Variants in IARS1 observed in about 807,000 individuals in gnomAD.
IARS1 encodes the protein isoleucyl-tRNA synthetase 1.
Under a neutral mutation model 168.2 loss-of-function variants are expected in IARS1, and 124 were observed. That is an observed-to-expected ratio of 0.74 (90% CI 0.64 to 0.86). IARS1 has a LOEUF of 0.86. IARS1 is among the 40% of genes least tolerant of loss of function. IARS1 has a pLI of 0.00. For synonymous variants in IARS1, 532 were observed against 529.4 expected, an observed-to-expected ratio of 1.00 and a Z score of -0.07; for missense variants, 1,452 against 1,515.8, an observed-to-expected ratio of 0.96 and a Z score of 0.70.
chr9:92,276,948 G>A (rs746920429), intron 9 of IARS1, among the ~76,000 whole-genome samples: 1 of 152,138 alleles, frequency 6.6e-6, no homozygotes, highest in Non-Finnish European at 1.5e-5. Flanking sequence ...GAGCTCTGTC[G>A]TGGTGCCTAG....
intron 32 of IARS1, among the ~76,000 whole-genome samples, 176 bp downstream of exon 32, chr9:92,223,170 G>C (rs1839905322): frequency 6.6e-6 from 1 of 152,212 alleles, no homozygotes; most frequent in South Asian, 2.1e-4. Context: ...CCAGATGGAT[G>C]AGGGTCTCTA....
chr9:92,216,383 G>A (rs1838695516), intron 33 of IARS1, among the ~76,000 whole-genome samples: 1 of 149,348 alleles, frequency 6.7e-6, no homozygotes, highest in African/African-American at 2.5e-5. Context: ...AAAATAAACA[G>A]CTAACATCAT....
intron 10 of IARS1, 140 bp from the exon 11 acceptor site, chr9:92,271,795 C>G (rs1833079682): frequency 9.9e-6 from 9 of 911,912 alleles, no homozygotes; most frequent in Non-Finnish European, 1.5e-5. Flanking sequence ...GAAGGTAACT[C>G]AAGACCATTC....
At chr9:92,260,573 T>A (rs1831380804) in intron 17 of IARS1, among the ~76,000 whole-genome samples, 1 of 152,120 alleles carries the variant, frequency 6.6e-6, no homozygotes, top group African/African-American at 2.4e-5. Flanking sequence ...GAGAATTGCC[T>A]GAACCTGAGA....
chr9:92,284,240 T>C (rs1835088480), intron 6 of IARS1, among the ~76,000 whole-genome samples: 1 of 152,206 alleles, frequency 6.6e-6, no homozygotes, highest in Non-Finnish European at 1.5e-5. Flanking sequence ...CAACGAATGC[T>C]AACATGGCAA....
In IARS1 at chr9:92,293,668, A is replaced by C. The variant is rs1382827242; in HGVS notation, c.-65T>G. On this transcript the variant is annotated 5_prime_UTR_variant, in exon 1 of 34. It removes an upstream start codon present in the reference 5' UTR. Coordinates refer to ENST00000443024, the MANE Select transcript of IARS1 (RefSeq NM_002161.6). ...GGGCCAGCAAGCCTAAAAGCAACTC[A>C]TCCGGCGTCCACGCTGCAACCGGGC... The C allele has an allele frequency of 2.5e-5, 7 of 274,820 alleles. No individual in the cohort carries two copies. Among genetic ancestry groups the C allele is most frequent in the Admixed American group, 9.0e-5 (2 of 22,108 alleles). 17.0% of individuals were successfully genotyped at this position (274,820 alleles called of 1,614,324 possible).
At chr9:92,261,540 T>C (rs1004048373) in intron 17 of IARS1, among the ~76,000 whole-genome samples, 4 of 152,162 alleles carry the variant, frequency 2.6e-5, no homozygotes, top group African/African-American at 4.8e-5. Context: ...CTACACACGA[T>C]AGCCGTATAC....
chr9:92,290,060 T>C (rs1033891233), intron 1 of IARS1, among the ~76,000 whole-genome samples: 3 of 152,214 alleles, frequency 2.0e-5, no homozygotes, highest in Non-Finnish European at 2.9e-5. Flanking sequence ...TTCATTTCTC[T>C]TGGGTTTGTA....
chr9:92,293,290 C>T (rs974419395), intron 1 of IARS1, among the ~76,000 whole-genome samples: 10 of 151,582 alleles, frequency 6.6e-5, no homozygotes, highest in Admixed American at 5.9e-4. Context: ...AAGTAAATTA[C>T]GGTACATCAA....
At chr9:92,286,814 A>G (rs1177363419) in intron 4 of IARS1, among the ~76,000 whole-genome samples, 196 bp from the exon 5 acceptor site, 1 of 152,250 alleles carries the variant, frequency 6.6e-6, no homozygotes, top group Non-Finnish European at 1.5e-5. Flanking sequence ...TCCTACATGC[A>G]CAAAATGTTA....
intron 30 of IARS1, among the ~76,000 whole-genome samples, chr9:92,234,894 A>G (rs1249867110): frequency 6.6e-6 from 1 of 151,204 alleles, no homozygotes; most frequent in Non-Finnish European, 1.5e-5. Flanking sequence ...CCCAAACTAC[A>G]GTACAATGGC....
chr9:92,242,398 T>C, intron 28 of IARS1, 68 bp from the exon 29 acceptor site: 2 of 1,292,510 alleles, frequency 1.5e-6, no homozygotes, highest in Admixed American at 2.2e-5. Flanking sequence ...AGGAAGGTAC[T>C]GTTGAACAAG....
chr9:92,236,937 CTG>C (rs1394264176), intron 30 of IARS1, among the ~76,000 whole-genome samples: 2 of 152,188 alleles, frequency 1.3e-5, no homozygotes, highest in Non-Finnish European at 2.9e-5. Flanking sequence ...TGATATGCAA[CTG>C]TGTCTTCTTT....
chr9:92,217,762 T>G lies in IARS1; in HGVS notation c.3706+4758A>C, dbSNP rs534473794. On this transcript the variant is annotated intron_variant, in intron 33 of 33. Coordinates refer to ENST00000443024, the MANE Select transcript of IARS1 (RefSeq NM_002161.6). Reference sequence around the variant, plus strand: ...CTCTGAATAGACCAATAACAGACTCTGAAATTGTGGCAATAATCAATAGCT... The same window carrying G: ...CTCTGAATAGACCAATAACAGACTCGGAAATTGTGGCAATAATCAATAGCT... 6.3e-4 allele frequency among the ~76,000 whole-genome samples: 96 copies of G among 152,268 alleles called. No homozygotes were observed. The East Asian group carries it at 0.018, about 29-fold the overall frequency.
chr9:92,262,068 T>TAA (rs35738102), intron 17 of IARS1, among the ~76,000 whole-genome samples: 58 of 142,408 alleles, frequency 4.1e-4, no homozygotes, highest in South Asian at 6.8e-4. Context: ...AATTTTCAAT[T>TAA]AAAAAAAAAA....
intron 26 of IARS1, among the ~76,000 whole-genome samples, chr9:92,245,653 G>A (rs1180357124): frequency 6.6e-6 from 1 of 152,106 alleles, no homozygotes; most frequent in Non-Finnish European, 1.5e-5. Flanking sequence ...GCACCCGGGT[G>A]TCATTTTTAT....
At chr9:92,285,892 T>C in intron 5 of IARS1, 53 bp from the exon 6 acceptor site, 3 of 1,037,320 alleles carry the variant, frequency 2.9e-6, no homozygotes, top group Admixed American at 1.9e-5. Context: ...TTTCTGAAAA[T>C]GCAAACATTT....
intron 2 of IARS1, 98 bp from the exon 3 acceptor site, chr9:92,288,380 G>A (rs1398264093): frequency 1.0e-6 from 1 of 985,120 alleles, no homozygotes; most frequent in African/African-American, 1.7e-5. Flanking sequence ...TCTTCAAGGA[G>A]AAAAGCAGCA....
intron 21 of IARS1, among the ~76,000 whole-genome samples, chr9:92,252,139 G>A (rs1359023769): frequency 6.6e-6 from 1 of 152,160 alleles, no homozygotes; most frequent in African/African-American, 2.4e-5. Context: ...CACCTGAGGC[G>A]AGCTGACAGG....
Sources: allele counts gnomAD v4.1 joint callset (sites outside exome capture counted in the v4.1 genomes callset), GRCh38; gene constraint gnomAD v4.1.1; transcripts MANE v1.5; gene names NCBI Gene and HGNC (gene_info 2026-07-23, HGNC 2026-07-21).